UBE2E3: variants seen among roughly 807,000 people sequenced by gnomAD.
The protein encoded by UBE2E3 is ubiquitin conjugating enzyme E2 E3.
A neutral mutation model predicts 23.6 loss-of-function variants in UBE2E3; 5 were observed. That is an observed-to-expected ratio of 0.21 (90% CI 0.11 to 0.44). The LOEUF (loss-of-function observed/expected upper bound fraction) is 0.44. Among genes scored for constraint, UBE2E3 ranks in the 20% least tolerant of loss-of-function variants. The pLI is 0.99. For synonymous variants in UBE2E3, 78 were observed against 87.5 expected (o/e 0.89, Z 0.60); for missense variants, 81 against 249.8 (o/e 0.32, Z 4.55).
chr2:181,053,477 A>G lies in UBE2E3; in HGVS notation c.246-4216A>G, dbSNP rs569009099. Among the ~76,000 whole-genome samples the G allele has an allele frequency of 3.9e-5, 6 of 151,986 alleles. No individual in the cohort carries two copies. The East Asian group carries it at 1.2e-3, about 30-fold the overall frequency. ...TTTATAAACCATTACTTACAGAAAC[A>G]TTGACCTCTTATTTTAATATATAAA... is the stretch of plus-strand genomic sequence containing the variant. On this transcript the variant is annotated intron_variant, in intron 3 of 5. Transcript: ENST00000410062.
At chr2:181,008,509 C>G (rs1405755433) in intron 3 of UBE2E3, among the ~76,000 whole-genome samples, 3 of 152,210 alleles carry the variant, frequency 2.0e-5, no homozygotes, top group Admixed American at 6.5e-5. Context: ...ATGTGCATTT[C>G]TAGTTCTGGC....
Position 180,990,709 on chromosome 2 carries a change from A to G in UBE2E3, c.245+6616A>G, listed in dbSNP as rs562804186. Among the ~76,000 whole-genome samples, 96 of 152,286 alleles carry G rather than the reference A, an allele frequency of 6.3e-4. 1 individual carries two copies. Among genetic ancestry groups the G allele is most frequent in the South Asian group, 3.9e-3 (19 of 4,826 alleles). ...TGCGTGATCTAGCTTTAGGCTGGTT[A>G]TATCTATTATGTTCTACTAGGAGTA... On this transcript the variant is annotated intron_variant, in intron 3 of 5. Coordinates refer to ENST00000410062, the MANE Select transcript of UBE2E3 (RefSeq NM_006357.4).
chr2:181,033,833 A>C (rs1686171657), intron 3 of UBE2E3, among the ~76,000 whole-genome samples: 1 of 152,248 alleles, frequency 6.6e-6, no homozygotes, highest in African/African-American at 2.4e-5. Context: ...CAAATTTAGA[A>C]GAAAAAAACA....
intron 3 of UBE2E3, among the ~76,000 whole-genome samples, chr2:181,033,218 C>A (rs1316885457): frequency 6.6e-6 from 1 of 152,188 alleles, no homozygotes; most frequent in Non-Finnish European, 1.5e-5. Context: ...GCCCGCATTG[C>A]CAAGACAATC....
At chr2:181,061,690 A>G (rs1438468975) in intron 5 of UBE2E3, among the ~76,000 whole-genome samples, 4 of 151,638 alleles carry the variant, frequency 2.6e-5, no homozygotes, top group African/African-American at 9.7e-5. Context: ...TGCCTGCCAC[A>G]TGTGAACTTC....
At chr2:180,991,887 TAAG>T (rs1684669574) in intron 3 of UBE2E3, among the ~76,000 whole-genome samples, 1 of 152,192 alleles carries the variant, frequency 6.6e-6, no homozygotes, top group African/African-American at 2.4e-5. Flanking sequence ...ATTTAAAACT[TAAG>T]AATTATTTCT....
chr2:180,989,913 G>T (rs1430640310), intron 3 of UBE2E3: 1 of 1,549,534 alleles, frequency 6.5e-7, no homozygotes, highest in Non-Finnish European at 8.7e-7. Context: ...AGAGTGTAAG[G>T]ACATTCAGAT....
chr2:181,041,447 A>AT (rs112534224), intron 3 of UBE2E3, among the ~76,000 whole-genome samples: 32,272 of 147,298 alleles, frequency 0.22, 3,747 homozygotes, highest in Non-Finnish European at 0.27. Flanking sequence ...AACATAAGGA[A>AT]TTTTTTTTTT....
chr2:181,045,045 C>T (rs1048505911), intron 3 of UBE2E3, among the ~76,000 whole-genome samples: 9 of 152,036 alleles, frequency 5.9e-5, no homozygotes, highest in East Asian at 3.9e-4. Flanking sequence ...TATGCTTTTA[C>T]GTCTGCTGCT....
At chr2:181,046,566 A>G (rs1297051960) in intron 3 of UBE2E3, among the ~76,000 whole-genome samples, 2 of 152,146 alleles carry the variant, frequency 1.3e-5, no homozygotes, top group African/African-American at 4.8e-5. Flanking sequence ...GTTAAGTTGT[A>G]ATTCAGATTT....
chr2:181,039,174 G>T (rs952988877), intron 3 of UBE2E3, among the ~76,000 whole-genome samples: 1 of 138,486 alleles, frequency 7.2e-6, no homozygotes, highest in Non-Finnish European at 1.5e-5. Flanking sequence ...GCAGTGGAAC[G>T]AGGAAACATT....
At chr2:181,047,306 T>C (rs1309246406) in intron 3 of UBE2E3, among the ~76,000 whole-genome samples, 1 of 152,142 alleles carries the variant, frequency 6.6e-6, no homozygotes, top group Non-Finnish European at 1.5e-5. Flanking sequence ...TCATCTCGCC[T>C]TCTTACTCTG....
chr2:181,020,130 A>G (rs1324615620), intron 3 of UBE2E3, among the ~76,000 whole-genome samples: 1 of 152,188 alleles, frequency 6.6e-6, no homozygotes, highest in Non-Finnish European at 1.5e-5. Context: ...ACCAAGTACC[A>G]CAAATTGGGT....
At chr2:181,023,161 A>G (rs543285635) in intron 3 of UBE2E3, among the ~76,000 whole-genome samples, 8 of 152,342 alleles carry the variant, frequency 5.3e-5, no homozygotes, top group African/African-American at 1.9e-4. Flanking sequence ...CTAACATCTG[A>G]AAATCATTAA....
intron 3 of UBE2E3, among the ~76,000 whole-genome samples, chr2:180,998,729 T>C (rs890935284): frequency 7.9e-5 from 12 of 152,012 alleles, no homozygotes; most frequent in Non-Finnish European, 1.6e-4. Context: ...TGCAAACAGC[T>C]GAAAGTAGAA....
At chr2:181,032,146 G>T (rs527691463) in intron 3 of UBE2E3, among the ~76,000 whole-genome samples, 18 of 152,126 alleles carry the variant, frequency 1.2e-4, no homozygotes, top group Admixed American at 3.3e-4. Flanking sequence ...CAAATTTTAT[G>T]CCTAGCTTTT....
At chr2:181,062,640 C>A in intron 5 of UBE2E3, 151 bp from the exon 6 acceptor site, 1 of 390,122 alleles carries the variant, frequency 2.6e-6, no homozygotes. Flanking sequence ...TACATATGAT[C>A]ATGTTACTTT....
intron 3 of UBE2E3, among the ~76,000 whole-genome samples, chr2:181,046,104 T>C (rs1398613919): frequency 6.6e-6 from 1 of 152,184 alleles, no homozygotes; most frequent in African/African-American, 2.4e-5. Context: ...ACATGGTAGA[T>C]AATCAGTAAA....
intron 3 of UBE2E3, among the ~76,000 whole-genome samples, chr2:181,000,092 T>C (rs1414615012): frequency 6.6e-6 from 1 of 152,244 alleles, no homozygotes; most frequent in Non-Finnish European, 1.5e-5. Flanking sequence ...GCAATTTTTG[T>C]TCTTGGCATT....
Sources: gnomAD v4.1 joint callset for allele counts (sites outside exome capture counted in the v4.1 genomes callset) on GRCh38, gnomAD v4.1.1 for gene constraint, MANE v1.5 for transcripts, NCBI Gene and HGNC (gene_info 2026-07-23, HGNC 2026-07-21) for gene names.